Variants in ZNF277 observed in about 807,000 individuals in gnomAD.
The protein encoded by ZNF277 is zinc finger protein 277, also known as nuclear receptor-interacting factor 4.
ZNF277 carries 55 observed loss-of-function variants against 60.7 expected under a neutral mutation model. The ratio of observed to expected loss-of-function variants is 0.91; its 90% CI spans 0.73 to 1.13. The LOEUF is 1.13. ZNF277 is among the 50% of genes most tolerant of loss of function. The pLI is 0.00. For missense variants in ZNF277, 510 were observed against 523.0 expected, an observed-to-expected ratio of 0.98 and a Z score of 0.24; for synonymous variants, 178 against 179.3, an observed-to-expected ratio of 0.99 and a Z score of 0.06.
At chr7:112,210,479 T>G (rs1487261543) in intron 1 of ZNF277, among the ~76,000 whole-genome samples, 1 of 141,140 alleles carries the variant, frequency 7.1e-6, no homozygotes, top group African/African-American at 2.6e-5. Flanking sequence ...TTTTTTTTTG[T>G]TTTTTTTTTT....
At chr7:112,283,947 C>G (rs1345034628) in intron 1 of ZNF277, among the ~76,000 whole-genome samples, 3 of 152,048 alleles carry the variant, frequency 2.0e-5, no homozygotes, top group Non-Finnish European at 2.9e-5. Flanking sequence ...CTTCACAGCA[C>G]CAAATATACA....
At chr7:112,321,274 G>A (rs1584409186) in intron 5 of ZNF277, among the ~76,000 whole-genome samples, 1 of 151,702 alleles carries the variant, frequency 6.6e-6, no homozygotes, top group Non-Finnish European at 1.5e-5. Flanking sequence ...GTTTGCCCTG[G>A]GGATTGCAAT....
chr7:112,297,472 A>C (rs1410325624), intron 4 of ZNF277, among the ~76,000 whole-genome samples: 4 of 152,198 alleles, frequency 2.6e-5, no homozygotes, highest in Admixed American at 2.6e-4. Flanking sequence ...AGAAAAATAA[A>C]TGCTATTTAC....
chr7:112,284,841 G>A lies in ZNF277; in HGVS notation c.92-2032G>A, dbSNP rs188821415. ...GCTCAGTTAAGTGACTCCCCCAACC[G>A]CTGCTGCTGTAAACCCTGTACATTC... On this transcript the variant is annotated intron_variant, in intron 1 of 11. Transcript: ENST00000361822. Among the ~76,000 whole-genome samples the A allele has an allele frequency of 2.2e-4, 33 of 151,994 alleles. 1 individual carries two copies. Among genetic ancestry groups the A allele is most frequent in the African/African-American group, 5.8e-4 (24 of 41,338 alleles).
At chr7:112,300,816 T>C (rs1792455541) in intron 4 of ZNF277, among the ~76,000 whole-genome samples, 1 of 152,178 alleles carries the variant, frequency 6.6e-6, no homozygotes, top group Non-Finnish European at 1.5e-5. Context: ...TCCTGGTCAC[T>C]CAGTTTGGAA....
At chr7:112,251,599 C>G (rs1342219571) in intron 1 of ZNF277, among the ~76,000 whole-genome samples, 1 of 152,170 alleles carries the variant, frequency 6.6e-6, no homozygotes, top group Non-Finnish European at 1.5e-5. Flanking sequence ...TAGATAGAAT[C>G]AACAAACCTA....
chr7:112,282,931 GTTAA>G (rs1258348417), intron 1 of ZNF277, among the ~76,000 whole-genome samples: 1 of 152,162 alleles, frequency 6.6e-6, no homozygotes, highest in African/African-American at 2.4e-5. Context: ...TATTGTGAGG[GTTAA>G]TTGAGTTAAT....
chr7:112,249,053 G>C (rs1234375395), intron 1 of ZNF277, among the ~76,000 whole-genome samples: 1 of 152,096 alleles, frequency 6.6e-6, no homozygotes, highest in Non-Finnish European at 1.5e-5. Flanking sequence ...AATTCTACAT[G>C]TCTAGACTTG....
In ZNF277 at chr7:112,342,588, C is replaced by G; in HGVS notation, c.1212C>G (p.Asp404Glu). The change falls in exon 12 of 12, where the codon GAC becomes GAG. Residue 404 changes from aspartate to glutamate, a missense_variant. Transcript: ENST00000361822. ...ATTATTTTCCAACCTATGAAAATGA[C>G]ACTCTCCTGTGTACACTATCTGACA... is the stretch of plus-strand genomic sequence containing the variant. ...LEYYFPTYEN[D>E]TLLCTLSDSE... 1.2e-6 allele frequency: 2 copies of G among 1,605,746 alleles called. No individual in the cohort carries two copies. The highest frequency in any genetic ancestry group is 2.2e-5 in the South Asian group (2 of 89,082).
chr7:112,240,932 G>A (rs1435866033), intron 1 of ZNF277, among the ~76,000 whole-genome samples: 3 of 152,084 alleles, frequency 2.0e-5, no homozygotes, highest in African/African-American at 7.2e-5. Flanking sequence ...ACTCTCTAGA[G>A]CATTGGTCTG....
intron 1 of ZNF277, among the ~76,000 whole-genome samples, chr7:112,273,641 C>T (rs916268403): frequency 6.6e-6 from 1 of 152,258 alleles, no homozygotes; most frequent in East Asian, 1.9e-4. Context: ...CCATCTTGCT[C>T]CCTGACATTC....
At chr7:112,264,719 A>G (rs140566389) in intron 1 of ZNF277, among the ~76,000 whole-genome samples, 155 of 152,300 alleles carry the variant, frequency 1.0e-3, no homozygotes, top group African/African-American at 3.0e-3. Context: ...CAATAAAGAC[A>G]ATATTCACAA....
intron 1 of ZNF277, among the ~76,000 whole-genome samples, chr7:112,269,435 T>C (rs537215632): frequency 1.3e-5 from 2 of 152,272 alleles, no homozygotes; most frequent in African/African-American, 2.4e-5. Flanking sequence ...TTGTAAAGCA[T>C]GTTTTGGTAA....
At position 112,219,959 on chromosome 7, in the gene ZNF277, G is replaced by A. The variant is rs370339542; in HGVS notation, c.91+13152G>A. Among the ~76,000 whole-genome samples the A allele has an allele frequency of 6.6e-5, 10 of 152,256 alleles. No individual in the cohort carries two copies. In the South Asian group the frequency reaches 1.2e-3, roughly 19 times the overall value. ...GCTGCTATGCTGTTTAGATTACTACGGTTTGGTAGATTTTGAGATCAGGTA... is the reference window on the plus strand; with the variant it reads ...GCTGCTATGCTGTTTAGATTACTACAGTTTGGTAGATTTTGAGATCAGGTA... On this transcript the variant is annotated intron_variant, in intron 1 of 11. Coordinates refer to ENST00000361822, the MANE Select transcript of ZNF277 (RefSeq NM_021994.3).
At chr7:112,261,396 T>C (rs565449177) in intron 1 of ZNF277, among the ~76,000 whole-genome samples, 1 of 152,332 alleles carries the variant, frequency 6.6e-6, no homozygotes, top group African/African-American at 2.4e-5. Flanking sequence ...ATAAATGCAA[T>C]GGATGGCATT....
intron 4 of ZNF277, among the ~76,000 whole-genome samples, chr7:112,309,166 G>A (rs776531110): frequency 1.3e-5 from 2 of 151,906 alleles, no homozygotes; most frequent in African/African-American, 2.4e-5. Context: ...GGCATGTTCT[G>A]AACCCCATCG....
Position 112,337,839 on chromosome 7 carries a change from T to C in ZNF277, c.966+13T>C, listed in dbSNP as rs1563234113. ...TGTCCACATGGAGGTAAGATACCTG[T>C]ATTTATTTGAATTTTGTTTTATTCT... On this transcript the variant is annotated intron_variant, in intron 9 of 11. Transcript: ENST00000361822. The C allele has an allele frequency of 2.5e-6, 4 of 1,601,574 alleles. No individual in the cohort carries two copies. Among genetic ancestry groups the C allele is most frequent in the Non-Finnish European group, 3.4e-6 (4 of 1,173,930 alleles).
At position 112,217,338 on chromosome 7, in the gene ZNF277, A is replaced by G. The variant is rs149628145; in HGVS notation, c.91+10531A>G. On this transcript the variant is annotated intron_variant, in intron 1 of 11. Transcript: ENST00000361822. ...AGCAATAGAAAAACTAAGGGCATAT[A>G]CAACAAGTATCAAGTCAATACATTT... Among the ~76,000 whole-genome samples the G allele has an allele frequency of 1.6e-4, 24 of 152,366 alleles. No individual in the cohort carries two copies. In the East Asian group the frequency reaches 4.2e-3, roughly 27 times the overall value.
chr7:112,296,546 A>G (rs941551213), intron 4 of ZNF277, among the ~76,000 whole-genome samples: 2 of 151,966 alleles, frequency 1.3e-5, no homozygotes, highest in African/African-American at 4.8e-5. Flanking sequence ...TGCTTCCTGG[A>G]TTATCTCTAA....
Sources: allele counts gnomAD v4.1 joint callset (sites outside exome capture counted in the v4.1 genomes callset), GRCh38; gene constraint gnomAD v4.1.1; transcripts MANE v1.5; gene names NCBI Gene and HGNC (gene_info 2026-07-23, HGNC 2026-07-21).